Variants in LRRC38 observed in about 807,000 individuals in gnomAD.
LRRC38 encodes the protein leucine rich repeat containing 38.
In LRRC38, 5 loss-of-function variants were observed where a neutral mutation model predicts 16.4. That is an observed-to-expected ratio of 0.31 (90% CI 0.16 to 0.64). LRRC38 has a LOEUF of 0.64. LRRC38 is among the 30% of genes least tolerant of loss of function. The pLI is 0.80. For missense variants in LRRC38, 341 were observed against 401.8 expected, an observed-to-expected ratio of 0.85 and a Z score of 1.29; for synonymous variants, 191 against 190.2, an observed-to-expected ratio of 1.00 and a Z score of -0.04.
At chr1:13,486,932 C>T (rs776614220) in intron 1 of LRRC38, among the ~76,000 whole-genome samples, 10 of 152,204 alleles carry the variant, frequency 6.6e-5, no homozygotes, top group Non-Finnish European at 4.4e-5. Flanking sequence ...ACATAGAGGT[C>T]GGTACCCAAC....
At chr1:13,478,819 A>G (rs1638817410) in intron 1 of LRRC38, among the ~76,000 whole-genome samples, 1 of 152,088 alleles carries the variant, frequency 6.6e-6, no homozygotes, top group Non-Finnish European at 1.5e-5. Context: ...GAGGAATAGT[A>G]TCTGAGCATC....
chr1:13,483,469 G>A (rs756442343), intron 1 of LRRC38, among the ~76,000 whole-genome samples: 6 of 152,186 alleles, frequency 3.9e-5, no homozygotes, highest in Non-Finnish European at 8.8e-5. Context: ...GTCTTCTAAA[G>A]AGATGGCCTA....
chr1:13,492,936 C>A (rs547684504), intron 1 of LRRC38, among the ~76,000 whole-genome samples: 224 of 152,166 alleles, frequency 1.5e-3, no homozygotes, highest in Non-Finnish European at 2.6e-3. Flanking sequence ...TAACCTCCGA[C>A]CACGTGAGTC....
chr1:13,485,906 A>T (rs1353115068), intron 1 of LRRC38, among the ~76,000 whole-genome samples: 1 of 152,102 alleles, frequency 6.6e-6, no homozygotes, highest in Non-Finnish European at 1.5e-5. Flanking sequence ...TCTGGGGAGA[A>T]TCCCTCCTGG....
intron 1 of LRRC38, among the ~76,000 whole-genome samples, chr1:13,490,093 A>AT (rs1195392426): frequency 2.0e-5 from 3 of 152,130 alleles, no homozygotes. Flanking sequence ...TGTTCATGTG[A>AT]TTTTTGTAAT....
chr1:13,476,552 C>T (rs952150041), intron 1 of LRRC38, among the ~76,000 whole-genome samples: 11 of 152,154 alleles, frequency 7.2e-5, no homozygotes, highest in Non-Finnish European at 2.9e-5. Context: ...TGATCTTGAA[C>T]TCCTGACCTC....
At chr1:13,493,105 C>T (rs1210635561) in intron 1 of LRRC38, among the ~76,000 whole-genome samples, 3 of 152,226 alleles carry the variant, frequency 2.0e-5, no homozygotes, top group Non-Finnish European at 4.4e-5. Flanking sequence ...CTTCAAATAG[C>T]TTCAAAATAA....
At chr1:13,477,113 A>C (rs967772260) in intron 1 of LRRC38, among the ~76,000 whole-genome samples, 17 of 152,160 alleles carry the variant, frequency 1.1e-4, no homozygotes, top group Non-Finnish European at 2.4e-4. Context: ...TCAAAAAAAA[A>C]GAATGTATTG....
Position 13,475,909 on chromosome 1 carries a change from C to T in LRRC38, c.822G>A (p.Gln274=). ...TGTTGGGTGCGCACCTCTGGAGGCA[C>T]TGCACCACAGTGGCCAGGAAGAAGC... is the stretch of plus-strand genomic sequence containing the variant. ...ISSFFLATVV[Q]CLQRCAPNKD... The change falls in exon 2 of 2, where the codon CAG becomes CAA. Residue 274 remains glutamine (Q), a synonymous_variant. Coordinates refer to ENST00000376085, the MANE Select transcript of LRRC38 (RefSeq NM_001010847.2). The surrounding 1 kb of genome is among the most constrained non-coding windows in gnomAD (Gnocchi z 4.3). The T allele has an allele frequency of 6.4e-7, 1 of 1,550,622 alleles. No individual in the cohort carries two copies. The highest frequency in any genetic ancestry group is 1.4e-5 in the African/African-American group (1 of 73,154).
intron 1 of LRRC38, among the ~76,000 whole-genome samples, chr1:13,481,669 A>G (rs913704734): frequency 6.6e-6 from 1 of 152,100 alleles, no homozygotes; most frequent in Admixed American, 6.5e-5. Flanking sequence ...TACTGGGATT[A>G]CAGGCATGAG....
chr1:13,497,465 T>C (rs969484288), intron 1 of LRRC38, among the ~76,000 whole-genome samples: 2 of 151,902 alleles, frequency 1.3e-5, no homozygotes, highest in Non-Finnish European at 2.9e-5. Context: ...TGATGTGAGA[T>C]TTGAGGGGCC....
chr1:13,503,876 A>G (rs1025923318), intron 1 of LRRC38, among the ~76,000 whole-genome samples: 10 of 152,130 alleles, frequency 6.6e-5, no homozygotes, highest in African/African-American at 2.4e-4. Flanking sequence ...TGACTCCCTG[A>G]CCTTGACATT....
At chr1:13,503,084 G>C (rs1458440037) in intron 1 of LRRC38, among the ~76,000 whole-genome samples, 2 of 152,112 alleles carry the variant, frequency 1.3e-5, no homozygotes, top group Non-Finnish European at 2.9e-5. Context: ...TTTGCTGGGA[G>C]CCTCAGACTC....
intron 1 of LRRC38, among the ~76,000 whole-genome samples, chr1:13,483,912 A>G (rs1638899044): frequency 6.7e-6 from 1 of 150,318 alleles, no homozygotes; most frequent in Non-Finnish European, 1.5e-5. Context: ...AAACAGAACC[A>G]ACAGAGAGGA....
intron 1 of LRRC38, among the ~76,000 whole-genome samples, chr1:13,495,058 G>A (rs867975737): frequency 6.6e-6 from 1 of 152,216 alleles, no homozygotes. Flanking sequence ...ACACAAGGGG[G>A]TGGGGATAGA....
At chr1:13,497,677 G>A (rs898878389) in intron 1 of LRRC38, among the ~76,000 whole-genome samples, 1 of 151,834 alleles carries the variant, frequency 6.6e-6, no homozygotes, top group East Asian at 1.9e-4. Flanking sequence ...TTGATTACAC[G>A]CTGAAATGAC....
At position 13,512,315 on chromosome 1, in the gene LRRC38, T is replaced by C. The variant is rs147387519; in HGVS notation, c.631+648A>G. 8.0e-3 allele frequency among the ~76,000 whole-genome samples: 1,223 copies of C among 152,276 alleles called. 16 individuals carry two copies. The highest frequency in any genetic ancestry group is 0.028 in the African/African-American group (1,150 of 41,566). On this transcript the variant is annotated intron_variant, in intron 1 of 1. Coordinates refer to ENST00000376085, the MANE Select transcript of LRRC38 (RefSeq NM_001010847.2). ...GTGAGTTTTTATGCCCACGCCGCCA[T>C]TGGAAGCGTGCACCAGGAAAGCAAA...
At chr1:13,502,132 G>C (rs1230900531) in intron 1 of LRRC38, among the ~76,000 whole-genome samples, 2 of 150,826 alleles carry the variant, frequency 1.3e-5, no homozygotes, top group Non-Finnish European at 3.0e-5. Flanking sequence ...GTAGAGACGG[G>C]GTTTCACCAT....
In LRRC38 at chr1:13,509,773, T is replaced by C. The variant is rs77914284; in HGVS notation, c.631+3190A>G. 1.6e-3 allele frequency among the ~76,000 whole-genome samples: 238 copies of C among 152,252 alleles called. 1 individual carries two copies. The highest frequency in any genetic ancestry group is 2.3e-3 in the Non-Finnish European group (154 of 68,018). Reference sequence around the variant, plus strand: ...CTTACGGTCCTCCTACCTACACTCTTTGTTTATAAGAGAAAAATTGAAGGC... The same window carrying C: ...CTTACGGTCCTCCTACCTACACTCTCTGTTTATAAGAGAAAAATTGAAGGC... On this transcript the variant is annotated intron_variant, in intron 1 of 1. Transcript: ENST00000376085.
Sources: allele counts gnomAD v4.1 joint callset (sites outside exome capture counted in the v4.1 genomes callset), GRCh38; gene constraint gnomAD v4.1.1; non-coding constraint Gnocchi (gnomAD v3.1); transcripts MANE v1.5; gene names NCBI Gene and HGNC (gene_info 2026-07-23, HGNC 2026-07-21).